Variants in MYH10 observed in about 807,000 individuals in gnomAD.
MYH10 encodes the protein myosin-10.
A neutral mutation model predicts 257.8 loss-of-function variants in MYH10; 55 were observed. The ratio of observed to expected loss-of-function variants is 0.21; its 90% CI spans 0.17 to 0.27. The LOEUF is 0.27. MYH10 is among the 10% of genes least tolerant of loss of function. MYH10 has a pLI of 1.00. For missense variants in MYH10, 1,631 were observed against 2,500.6 expected (o/e 0.65, Z 7.42); for synonymous variants, 854 against 921.7 (o/e 0.93, Z 1.33).
chr17:8,627,466 TCTC>T (rs958271035), intron 1 of MYH10, among the ~76,000 whole-genome samples: 48 of 152,294 alleles, frequency 3.2e-4, no homozygotes, highest in African/African-American at 9.9e-4. Context: ...TCCTTTTCCT[TCTC>T]CTAACATTTT....
At position 8,504,504 on chromosome 17, in the gene MYH10, A is replaced by C. The variant is rs1362023871; in HGVS notation, c.3599+190T>G. Among the ~76,000 whole-genome samples, 1 of 151,674 alleles carries C rather than the reference A, an allele frequency of 6.6e-6. No individual in the cohort carries two copies. Among genetic ancestry groups the C allele is most frequent in the Non-Finnish European group, 1.5e-5 (1 of 67,922 alleles). On this transcript the variant is annotated intron_variant, in intron 28 of 42. Coordinates refer to ENST00000360416, the MANE Select transcript of MYH10 (RefSeq NM_001256012.3). This position sits in a 1 kb window ranked among gnomAD's most constrained non-coding sequence, Gnocchi z 5.6. The stretch of plus-strand genomic sequence containing the variant: ...CCTCAGTCTGCTGGTTTACCCACCC[A>C]CCCCTGCACAGGTATTTCTACCCAT...
intron 23 of MYH10, 150 bp downstream of exon 23, chr17:8,513,388 A>C (rs1003588744): frequency 1.6e-6 from 2 of 1,257,420 alleles, no homozygotes; most frequent in African/African-American, 3.0e-5. Context: ...CAAAATATAT[A>C]CAATTTGGAA....
Position 8,508,828 on chromosome 17 carries a change from G to A in MYH10, c.3091-151C>T. On this transcript the variant is annotated intron_variant, in intron 25 of 42. Transcript: ENST00000360416. ...AGACTGTACACAATCACATGCTGCA[G>A]AACGATGTTTTGGACAATGATGAAC... 3.5e-6 allele frequency: 3 copies of A among 845,260 alleles called. 1 individual carries two copies. The South Asian group carries it at 5.3e-5, about 15-fold the overall frequency. The allele number at this position is 845,260 out of a possible 1,614,324, so 52.4% of individuals were successfully genotyped here.
At chr17:8,567,972 G>A (rs911575112) in intron 7 of MYH10, among the ~76,000 whole-genome samples, 11 of 152,116 alleles carry the variant, frequency 7.2e-5, no homozygotes, top group African/African-American at 1.2e-4. Flanking sequence ...GACCCTTGCC[G>A]GCGCCCAGAT....
chr17:8,494,127 A>G (rs926680782), intron 31 of MYH10, among the ~76,000 whole-genome samples: 6 of 152,142 alleles, frequency 3.9e-5, no homozygotes, highest in African/African-American at 1.4e-4. Flanking sequence ...CCAGGGGCCC[A>G]GGCTGGAGCC....
chr17:8,621,217 C>T (rs970543303), intron 2 of MYH10, among the ~76,000 whole-genome samples: 2 of 152,208 alleles, frequency 1.3e-5, no homozygotes, highest in African/African-American at 2.4e-5. Context: ...TGGGCTTCAT[C>T]TGAAACTGAT....
At chr17:8,608,249 C>T (rs966505654) in intron 2 of MYH10, among the ~76,000 whole-genome samples, 1 of 152,062 alleles carries the variant, frequency 6.6e-6, no homozygotes, top group African/African-American at 2.4e-5. Context: ...GGCAGCCATA[C>T]GGAGAACACA....
chr17:8,538,297 C>T (rs577955538), intron 14 of MYH10, among the ~76,000 whole-genome samples: 3 of 152,342 alleles, frequency 2.0e-5, no homozygotes, highest in African/African-American at 7.2e-5. Flanking sequence ...CCTCCACCTC[C>T]CGGCTTCAAG....
intron 40 of MYH10, 42 bp from the exon 41 acceptor site, chr17:8,478,488 T>C (rs769902918): frequency 1.3e-6 from 2 of 1,580,296 alleles, no homozygotes; most frequent in East Asian, 2.2e-5. Context: ...CTTGAAATGG[T>C]ATTTTGTGTG....
At chr17:8,589,363 T>C (rs2084034331) in intron 3 of MYH10, among the ~76,000 whole-genome samples, 1 of 152,204 alleles carries the variant, frequency 6.6e-6, no homozygotes, top group Non-Finnish European at 1.5e-5. Context: ...TTTGCCTGGA[T>C]GACTTTATAT....
intron 7 of MYH10, among the ~76,000 whole-genome samples, chr17:8,557,388 C>T (rs950070391): frequency 1.3e-5 from 2 of 152,018 alleles, no homozygotes; most frequent in Non-Finnish European, 2.9e-5. Context: ...TGGGAATACA[C>T]TGACTTCCTG....
intron 34 of MYH10, among the ~76,000 whole-genome samples, chr17:8,491,504 A>T (rs915982618): frequency 3.9e-5 from 6 of 152,252 alleles, no homozygotes; most frequent in African/African-American, 1.4e-4. Context: ...GATGGCCCAT[A>T]GCACATGAAA....
chr17:8,551,535 G>A (rs1055941272), intron 9 of MYH10, among the ~76,000 whole-genome samples: 1 of 152,132 alleles, frequency 6.6e-6, no homozygotes, highest in African/African-American at 2.4e-5. Flanking sequence ...TTCTAACCCA[G>A]CAAAATTCTG....
chr17:8,603,778 G>C (rs189624125), intron 3 of MYH10, among the ~76,000 whole-genome samples: 1 of 151,978 alleles, frequency 6.6e-6, no homozygotes. Flanking sequence ...AAATTGTATT[G>C]AACTCCAAAA....
At chr17:8,487,951 G>T (rs972930756) in intron 35 of MYH10, among the ~76,000 whole-genome samples, 1 of 152,202 alleles carries the variant, frequency 6.6e-6, no homozygotes, top group African/African-American at 2.4e-5. Flanking sequence ...CGGGCATGGG[G>T]TGGTTGCTAA....
intron 3 of MYH10, among the ~76,000 whole-genome samples, chr17:8,597,754 AC>A (rs1245851043): frequency 2.0e-5 from 3 of 147,814 alleles, no homozygotes; most frequent in African/African-American, 7.5e-5. Flanking sequence ...AGCTGGGATT[AC>A]AGGTGCCCGC....
At position 8,487,442 on chromosome 17, in the gene MYH10, G is replaced by A. The variant is rs1915051480; in HGVS notation, c.5037C>T (p.Arg1679=). The A allele has an allele frequency of 7.4e-6, 12 of 1,614,152 alleles. No homozygotes were observed. Among genetic ancestry groups the A allele is most frequent in the Non-Finnish European group, 1.0e-5 (12 of 1,180,050 alleles). The change falls in exon 36 of 43, where the codon CGC becomes CGT. Residue 1679 remains arginine, a synonymous_variant. Transcript: ENST00000360416. ...KARDEVIKQL[R]KLQAQMKDYQ... ...GGGTGAAGGCACATACCTGGAGCTT[G>A]CGGAGCTGCTTAATCACCTCATCCC...
At chr17:8,517,023 C>T (rs1400959315) in intron 21 of MYH10, among the ~76,000 whole-genome samples, 1 of 152,000 alleles carries the variant, frequency 6.6e-6, no homozygotes, top group African/African-American at 2.4e-5. Flanking sequence ...CGCCTGTAGT[C>T]CCAGCTACTC....
intron 7 of MYH10, among the ~76,000 whole-genome samples, chr17:8,556,690 G>A (rs1024730330): frequency 1.3e-5 from 2 of 152,146 alleles, no homozygotes; most frequent in Admixed American, 6.6e-5. Context: ...CTAGAGCATG[G>A]TGCTCACTAC....
Sources: gnomAD v4.1 joint callset for allele counts (sites outside exome capture counted in the v4.1 genomes callset) on GRCh38, gnomAD v4.1.1 for gene constraint, Gnocchi (gnomAD v3.1) non-coding constraint, MANE v1.5 for transcripts, NCBI Gene and HGNC (gene_info 2026-07-23, HGNC 2026-07-21) for gene names.